Variants in SEC24B observed in about 807,000 individuals in gnomAD.
SEC24B encodes the protein protein transport protein Sec24B.
SEC24B carries 45 observed loss-of-function variants against 142.8 expected under a neutral mutation model. The ratio of observed to expected loss-of-function variants is 0.32; its 90% CI spans 0.25 to 0.40. The LOEUF (loss-of-function observed/expected upper bound fraction) is 0.40, where lower values mean the gene tolerates loss of function less well. SEC24B is among the 10% of genes least tolerant of loss of function. The pLI is 1.00. For synonymous variants in SEC24B, 574 were observed against 568.2 expected (o/e 1.01, Z -0.15); for missense variants, 1,409 against 1,526.8 (o/e 0.92, Z 1.29).
In SEC24B at chr4:109,470,905, T is replaced by C. The variant is rs191988639; in HGVS notation, c.878-2099T>C. ...AAAATAATGTCTAGAGATACTTATATGTGTGGTAAACTATTTGAAAACAAA... is the reference window on the plus strand; with the variant it reads ...AAAATAATGTCTAGAGATACTTATACGTGTGGTAAACTATTTGAAAACAAA... On this transcript the variant is annotated intron_variant, in intron 2 of 23. Transcript: ENST00000265175. 1.2e-3 allele frequency among the ~76,000 whole-genome samples: 186 copies of C among 152,270 alleles called. 1 individual carries two copies. The highest frequency in any genetic ancestry group is 0.011 in the Admixed American group (164 of 15,292).
intron 20 of SEC24B, among the ~76,000 whole-genome samples, chr4:109,531,957 T>G (rs1724976956): frequency 6.6e-6 from 1 of 152,132 alleles, no homozygotes; most frequent in Non-Finnish European, 1.5e-5. Context: ...CCTCCCAGGT[T>G]CAAGCAATTC....
At chr4:109,437,688 G>T (rs984296053) in intron 1 of SEC24B, among the ~76,000 whole-genome samples, 3 of 151,738 alleles carry the variant, frequency 2.0e-5, no homozygotes, top group African/African-American at 7.3e-5. Flanking sequence ...GCAGTGGCAC[G>T]ATCTCAGCTC....
rs545753694 is a variant in SEC24B at position 109,540,457 on chromosome 4, G to T, written c.*782G>T. 67 of 152,374 alleles carry T rather than the reference G, an allele frequency of 4.4e-4. No individual in the cohort carries two copies. Among genetic ancestry groups the T allele is most frequent in the African/African-American group, 1.5e-3 (64 of 41,558 alleles). 9.4% of individuals were successfully genotyped at this position (152,374 alleles called of 1,614,324 possible). On this transcript the variant is annotated 3_prime_UTR_variant, in exon 24 of 24. Coordinates refer to ENST00000265175, the MANE Select transcript of SEC24B (RefSeq NM_006323.5). ...CTAATTAAAACTATTTCGCTTGACA[G>T]TATGGTTTGGTGATTTTTTGGGGTT...
intron 6 of SEC24B, among the ~76,000 whole-genome samples, chr4:109,499,842 T>G (rs1476785953): frequency 6.6e-6 from 1 of 151,416 alleles, no homozygotes; most frequent in Non-Finnish European, 1.5e-5. Flanking sequence ...TTATCTTTAT[T>G]TTAGAGTGTA....
intron 11 of SEC24B, 64 bp downstream of exon 11, chr4:109,516,704 A>G: frequency 2.1e-6 from 2 of 945,290 alleles, no homozygotes; most frequent in South Asian, 3.5e-5. Flanking sequence ...GTGTATAAAT[A>G]TGAAGTGTTC....
At chr4:109,493,423 A>G (rs1735213436) in intron 5 of SEC24B, among the ~76,000 whole-genome samples, 1 of 152,244 alleles carries the variant, frequency 6.6e-6, no homozygotes, top group South Asian at 2.1e-4. Flanking sequence ...AACAGTCAAT[A>G]TGCCAAATTG....
intron 5 of SEC24B, among the ~76,000 whole-genome samples, chr4:109,493,259 A>G (rs1446623715): frequency 6.7e-6 from 1 of 149,846 alleles, no homozygotes; most frequent in Non-Finnish European, 1.5e-5. Context: ...ATTAGACCCA[A>G]TAAGGAGATG....
At chr4:109,450,656 CA>C (rs945328674) in intron 1 of SEC24B, 1,581 of 64,098 alleles carry the variant, frequency 0.025, 10 homozygotes, top group Middle Eastern at 0.058. Flanking sequence ...AGACTCATCT[CA>C]AAAAAAAAAA....
rs1295247016 is a variant in SEC24B at position 109,433,891 on chromosome 4, T to G, written c.22T>G (p.Ser8Ala). The G allele has an allele frequency of 1.5e-6, 2 of 1,341,804 alleles. No individual in the cohort carries two copies. The highest frequency in any genetic ancestry group is 1.9e-6 in the Non-Finnish European group (2 of 1,042,782). 83.1% of individuals were successfully genotyped at this position (1,341,804 alleles called of 1,614,324 possible). The change falls in exon 1 of 24, where the codon TCT becomes GCT. Residue 8 changes from serine (S) to alanine (A), a missense_variant. Around this residue, in one of 2 missense-constraint regions of SEC24B, gnomAD observed 709 missense variants for 673.5 expected, o/e 1.05. Transcript: ENST00000265175. Reference sequence around the variant, plus strand: ...CGTCATGTCGGCCCCCGCCGGGTCCTCTCACCCGGCCGCCAGCGCCCGGAT... The same window carrying G: ...CGTCATGTCGGCCCCCGCCGGGTCCGCTCACCCGGCCGCCAGCGCCCGGAT... MSAPAGS[S>A]HPAASARIPP...
chr4:109,481,888 A>C, intron 4 of SEC24B, 107 bp downstream of exon 4: 1 of 751,150 alleles, frequency 1.3e-6, no homozygotes, highest in Non-Finnish European at 2.2e-6. Flanking sequence ...AAGATTTAGC[A>C]TGATGAACTT....
At chr4:109,511,453 C>T (rs998007808) in intron 8 of SEC24B, among the ~76,000 whole-genome samples, 1 of 152,058 alleles carries the variant, frequency 6.6e-6, no homozygotes, top group African/African-American at 2.4e-5. Flanking sequence ...ATCTCTTAAT[C>T]TTTTTTCATA....
chr4:109,483,024 AT>A (rs1380892183), intron 4 of SEC24B, among the ~76,000 whole-genome samples: 3 of 115,028 alleles, frequency 2.6e-5, no homozygotes, highest in Admixed American at 8.5e-5. Flanking sequence ...TATGTTTTTT[AT>A]ATATGTATTT....
chr4:109,491,206 T>G (rs1428009732), intron 4 of SEC24B, 121 bp from the exon 5 acceptor site: 4 of 682,896 alleles, frequency 5.9e-6, no homozygotes, highest in Non-Finnish European at 1.0e-5. Context: ...ATCATTTTAC[T>G]TTTTTACTAG....
At chr4:109,499,680 A>C (rs1271107584) in intron 6 of SEC24B, among the ~76,000 whole-genome samples, 1 of 152,214 alleles carries the variant, frequency 6.6e-6, no homozygotes, top group Non-Finnish European at 1.5e-5. Flanking sequence ...AGCACAGTGC[A>C]TTACTCATGT....
chr4:109,463,034 T>TTAC lies in SEC24B; in HGVS notation c.272_274dup (p.Tyr91dup). On this transcript the variant is annotated inframe_insertion, in exon 2 of 24. Coordinates refer to ENST00000265175, the MANE Select transcript of SEC24B (RefSeq NM_006323.5). ...TGCCATTGGATACCCAGTGTGGTGA[T>TTAC]TACTACTCTGCTCTCTATACAGTAC... 6.2e-7 allele frequency: 1 copy of TTAC among 1,614,140 alleles called. No homozygotes were observed. Among genetic ancestry groups the TTAC allele is most frequent in the East Asian group, 2.2e-5 (1 of 44,870 alleles).
At chr4:109,476,188 T>C (rs1232360177) in intron 3 of SEC24B, among the ~76,000 whole-genome samples, 1 of 152,134 alleles carries the variant, frequency 6.6e-6, no homozygotes, top group East Asian at 1.9e-4. Context: ...GGTTTCACCA[T>C]GTTGACCAGG....
chr4:109,520,719 G>A (rs555877701), intron 12 of SEC24B, among the ~76,000 whole-genome samples: 3 of 152,250 alleles, frequency 2.0e-5, no homozygotes, highest in East Asian at 3.9e-4. Context: ...TTAGCTGGGC[G>A]CAGTGGCTGA....
At chr4:109,439,693 G>A (rs1322277537) in intron 1 of SEC24B, among the ~76,000 whole-genome samples, 7 of 149,278 alleles carry the variant, frequency 4.7e-5, no homozygotes, top group Non-Finnish European at 8.9e-5. Context: ...TAGAGACAGG[G>A]TTTCACTATA....
chr4:109,492,054 A>G (rs1735074694), intron 5 of SEC24B, among the ~76,000 whole-genome samples: 1 of 152,100 alleles, frequency 6.6e-6, no homozygotes, highest in Non-Finnish European at 1.5e-5. Flanking sequence ...CCAAGCTTCA[A>G]AACTAACAGA....
Sources: allele counts gnomAD v4.1 joint callset (sites outside exome capture counted in the v4.1 genomes callset), GRCh38; gene constraint gnomAD v4.1.1; regional missense constraint gnomAD v4.1.1; transcripts MANE v1.5; gene names NCBI Gene and HGNC (gene_info 2026-07-23, HGNC 2026-07-21).